KCNH1: variants seen among roughly 807,000 people sequenced by gnomAD.
KCNH1 encodes potassium voltage-gated channel subfamily H member 1, also known as voltage-gated delayed rectifier potassium channel KCNH1.
Under a neutral mutation model 69.2 loss-of-function variants are expected in KCNH1, and 27 were observed. The observed-to-expected ratio is 0.39, with a 90% CI of 0.29 to 0.54. KCNH1 has a LOEUF of 0.54. Ranked by LOEUF, KCNH1 falls within the 20% of genes least tolerant of loss-of-function variation. KCNH1 has a pLI of 0.68. For missense variants in KCNH1, 798 were observed against 1,261.6 expected (o/e 0.63, Z 5.57); for synonymous variants, 456 against 487.7 (o/e 0.93, Z 0.86).
chr1:210,831,561 C>T (rs1361773801), intron 7 of KCNH1, among the ~76,000 whole-genome samples: 1 of 152,156 alleles, frequency 6.6e-6, no homozygotes, highest in Non-Finnish European at 1.5e-5. Flanking sequence ...CCATCTGGGC[C>T]ATGGCATAGC....
rs1688904999 is a variant in KCNH1, at chr1:210,989,686, CTTCAAGA to C, written c.1032+29090_1032+29096del. Among the ~76,000 whole-genome samples the C allele has an allele frequency of 3.9e-5, 6 of 152,278 alleles. No individual in the cohort carries two copies. In the East Asian group the frequency reaches 7.7e-4, roughly 20 times the overall value. On this transcript the variant is annotated intron_variant, in intron 6 of 10. Transcript: ENST00000271751. Reference sequence around the variant, plus strand: ...GTGTAGCACTTCAAGAGATTTAAAACTTCAAGAGATTCAAATGCAGTGAAAACCATCG... The same window carrying C: ...GTGTAGCACTTCAAGAGATTTAAAACGATTCAAATGCAGTGAAAACCATCG...
At chr1:210,813,969 G>A (rs1232990535) in intron 7 of KCNH1, among the ~76,000 whole-genome samples, 3 of 152,102 alleles carry the variant, frequency 2.0e-5, no homozygotes, top group Non-Finnish European at 4.4e-5. Context: ...TGTGCCTTTT[G>A]CCTTCCACCA....
chr1:210,941,815 A>G (rs970686424), intron 6 of KCNH1, among the ~76,000 whole-genome samples: 2 of 152,176 alleles, frequency 1.3e-5, no homozygotes, highest in African/African-American at 4.8e-5. Flanking sequence ...GTTTAAGGTA[A>G]TAAGGGCCCC....
At chr1:210,920,091 G>T (rs368174884) in intron 6 of KCNH1, 22 bp from the exon 7 acceptor site, 25 of 1,603,350 alleles carry the variant, frequency 1.6e-5, no homozygotes, top group Non-Finnish European at 2.1e-5. Context: ...GGAACACAGC[G>T]TCAGGGCCAA....
At chr1:210,992,839 TCTC>T (rs1407909689) in intron 6 of KCNH1, among the ~76,000 whole-genome samples, 5 of 152,218 alleles carry the variant, frequency 3.3e-5, no homozygotes, top group Non-Finnish European at 7.3e-5. Flanking sequence ...TAATGAGACT[TCTC>T]CTACCTTTTC....
intron 6 of KCNH1, among the ~76,000 whole-genome samples, chr1:211,008,232 C>A (rs1011375295): frequency 6.6e-6 from 1 of 152,088 alleles, no homozygotes; most frequent in Admixed American, 6.5e-5. Flanking sequence ...AAAAAGGAAG[C>A]AAATTCTGAC....
At chr1:210,732,883 G>T (rs1194377340) in intron 10 of KCNH1, among the ~76,000 whole-genome samples, 1 of 152,154 alleles carries the variant, frequency 6.6e-6, no homozygotes, top group East Asian at 1.9e-4. Context: ...TCACCTTGGT[G>T]GTTAGTTTTC....
At chr1:210,710,680 C>T (rs1043090141) in intron 10 of KCNH1, among the ~76,000 whole-genome samples, 1 of 152,144 alleles carries the variant, frequency 6.6e-6, no homozygotes, top group Non-Finnish European at 1.5e-5. Flanking sequence ...CCTAATGCCA[C>T]GTGGCTGGTA....
intron 1 of KCNH1, among the ~76,000 whole-genome samples, chr1:211,117,437 G>A (rs547473571): frequency 6.6e-6 from 1 of 152,216 alleles, no homozygotes; most frequent in South Asian, 2.1e-4. Flanking sequence ...GGTGACTTCT[G>A]CTCCTGTGTT....
chr1:210,897,614 T>C (rs1686899137), intron 7 of KCNH1, among the ~76,000 whole-genome samples: 1 of 152,178 alleles, frequency 6.6e-6, no homozygotes, highest in South Asian at 2.1e-4. Flanking sequence ...ACAGGATAAT[T>C]TACTGAGATC....
At chr1:210,935,723 C>G (rs2102581776) in intron 6 of KCNH1, among the ~76,000 whole-genome samples, 1 of 152,250 alleles carries the variant, frequency 6.6e-6, no homozygotes, top group East Asian at 1.9e-4. Flanking sequence ...TATGAACAAT[C>G]AAGAATTTCA....
chr1:210,726,089 C>A (rs1682583140), intron 10 of KCNH1, among the ~76,000 whole-genome samples: 1 of 152,038 alleles, frequency 6.6e-6, no homozygotes, highest in African/African-American at 2.4e-5. Context: ...AATGGAAGAA[C>A]AAAGTAACAC....
chr1:210,806,854 T>TATATATATATATATAA (rs1684591008), intron 7 of KCNH1, among the ~76,000 whole-genome samples: 1 of 122,380 alleles, frequency 8.2e-6, no homozygotes, highest in East Asian at 2.7e-4. Flanking sequence ...TATATATATA[T>TATATATATATATATAA]AAATTTGCCG....
At chr1:210,843,220 G>T (rs1234340013) in intron 7 of KCNH1, among the ~76,000 whole-genome samples, 2 of 152,180 alleles carry the variant, frequency 1.3e-5, no homozygotes, top group African/African-American at 4.8e-5. Flanking sequence ...TTGAGTTAAT[G>T]TGCTTCCAAG....
chr1:210,928,326 G>T (rs941718512), intron 6 of KCNH1, among the ~76,000 whole-genome samples: 1 of 152,100 alleles, frequency 6.6e-6, no homozygotes, highest in Admixed American at 6.6e-5. Flanking sequence ...CACAAAACAG[G>T]CCTCAGTAAA....
chr1:210,975,059 T>G (rs1688578543), intron 6 of KCNH1, among the ~76,000 whole-genome samples: 1 of 152,198 alleles, frequency 6.6e-6, no homozygotes, highest in Admixed American at 6.6e-5. Context: ...TCTGATGCCC[T>G]TTAATTCTTC....
At chr1:211,114,978 G>A (rs933182962) in intron 1 of KCNH1, among the ~76,000 whole-genome samples, 4 of 151,384 alleles carry the variant, frequency 2.6e-5, no homozygotes, top group Non-Finnish European at 4.4e-5. Context: ...TTTGTTTTTT[G>A]TTTTTTTTGA....
At chr1:210,760,163 T>C (rs1165249790) in intron 10 of KCNH1, among the ~76,000 whole-genome samples, 1 of 152,178 alleles carries the variant, frequency 6.6e-6, no homozygotes, top group Non-Finnish European at 1.5e-5. Context: ...GGTTGAGGAC[T>C]GCTGCTATAC....
chr1:210,952,687 G>GA lies in KCNH1; in HGVS notation c.1033-32619dup, dbSNP rs5780618. 6.0e-3 allele frequency among the ~76,000 whole-genome samples: 868 copies of GA among 144,530 alleles called. 7 individuals are homozygous for GA. The highest frequency in any genetic ancestry group is 0.016 in the African/African-American group (636 of 39,448). The allele number at this position is 144,530 out of a possible 152,430, so 94.8% of individuals were successfully genotyped here. ...ATCAACCCAAAGACTCACTCTTAGA[G>GA]AAAAAAAAAAAAATCACATAAACCT... On this transcript the variant is annotated intron_variant, in intron 6 of 10. Coordinates refer to ENST00000271751, the MANE Select transcript of KCNH1 (RefSeq NM_172362.3).
Sources: gnomAD v4.1 joint callset for allele counts (sites outside exome capture counted in the v4.1 genomes callset) on GRCh38, gnomAD v4.1.1 for gene constraint, MANE v1.5 for transcripts, NCBI Gene and HGNC (gene_info 2026-07-23, HGNC 2026-07-21) for gene names.